Variants in INTU observed in about 807,000 individuals in gnomAD.
INTU encodes the protein inturned planar cell polarity protein.
A neutral mutation model predicts 100.5 loss-of-function variants in INTU; 68 were observed. The ratio of observed to expected loss-of-function variants is 0.68; its 90% CI spans 0.56 to 0.83. INTU has a LOEUF of 0.83. Ranked by LOEUF, INTU falls within the 40% of genes least tolerant of loss-of-function variation. The probability of loss-of-function intolerance (pLI) is 0.00; values close to 1 mark genes in which losing one functional copy is unlikely to be tolerated. For synonymous variants in INTU, 357 were observed against 395.7 expected, an observed-to-expected ratio of 0.90 and a Z score of 1.16; for missense variants, 1,071 against 1,114.7, an observed-to-expected ratio of 0.96 and a Z score of 0.56.
At chr4:127,695,411 G>C (rs1462669641) in intron 8 of INTU, among the ~76,000 whole-genome samples, 5 of 152,072 alleles carry the variant, frequency 3.3e-5, no homozygotes, top group Non-Finnish European at 7.4e-5. Context: ...TTCAAAACCA[G>C]CCTGGCCAAC....
intron 8 of INTU, among the ~76,000 whole-genome samples, chr4:127,695,322 A>C (rs946993624): frequency 7.9e-5 from 12 of 152,152 alleles, no homozygotes; most frequent in Non-Finnish European, 2.9e-5. Flanking sequence ...ATTGACTTCT[A>C]TGCTTGGGTG....
intron 6 of INTU, among the ~76,000 whole-genome samples, chr4:127,676,779 G>C (rs555876196): frequency 8.1e-4 from 123 of 152,312 alleles, no homozygotes; most frequent in Non-Finnish European, 1.4e-3. Flanking sequence ...CCATGCCTGA[G>C]CCGAAGCAGG....
At chr4:127,656,112 G>A (rs982481255) in intron 2 of INTU, among the ~76,000 whole-genome samples, 1 of 152,054 alleles carries the variant, frequency 6.6e-6, no homozygotes, top group Non-Finnish European at 1.5e-5. Flanking sequence ...ACTGACCTAC[G>A]CCCACTGTCT....
Position 127,643,925 on chromosome 4 carries a change from T to C in INTU, c.551T>C (p.Val184Ala), listed in dbSNP as rs1455270287. ...AAAGAGCAGCTCAAGCTTCTGGAAGTGCTGGTTGGAATTATTCATCAGACC... is the reference window on the plus strand; with the variant it reads ...AAAGAGCAGCTCAAGCTTCTGGAAGCGCTGGTTGGAATTATTCATCAGACC... ...KAKEQLKLLE[V>A]LVGIIHQTKW... The change falls in exon 2 of 16, where the codon GTG becomes GCG. Residue 184 changes from valine (V) to alanine (A), a missense_variant. Coordinates refer to ENST00000335251, the MANE Select transcript of INTU (RefSeq NM_015693.4). 6.2e-7 allele frequency: 1 copy of C among 1,614,008 alleles called. No homozygotes were observed. Among genetic ancestry groups the C allele is most frequent in the African/African-American group, 1.3e-5 (1 of 74,900 alleles).
intron 5 of INTU, among the ~76,000 whole-genome samples, chr4:127,673,595 GTTTTCTT>G (rs1318648370): frequency 6.7e-6 from 1 of 149,766 alleles, no homozygotes; most frequent in African/African-American, 2.5e-5. Context: ...TTGGCCTAGA[GTTTTCTT>G]TTTTCTTTTT....
At chr4:127,652,725 G>A (rs1578544561) in intron 2 of INTU, among the ~76,000 whole-genome samples, 1 of 129,620 alleles carries the variant, frequency 7.7e-6, no homozygotes, top group Admixed American at 8.4e-5. Flanking sequence ...TCAGAATGAT[G>A]CTGGCCTCAT....
chr4:127,633,326 C>G, intron 1 of INTU, 146 bp downstream of exon 1: 1 of 776,568 alleles, frequency 1.3e-6, no homozygotes, highest in Non-Finnish European at 2.0e-6. Flanking sequence ...GCACCACGTT[C>G]CATTGTATGG....
chr4:127,721,600 A>G lies in INTU; in HGVS notation c.*5164A>G, dbSNP rs559716078. ...TTCCATTCTTCTGTCTCTTTCAGGTATATCTACCAGTCGTAGGTTCAGTCT... is the reference window on the plus strand; with the variant it reads ...TTCCATTCTTCTGTCTCTTTCAGGTGTATCTACCAGTCGTAGGTTCAGTCT... On this transcript the variant is annotated 3_prime_UTR_variant, in exon 16 of 16. Coordinates refer to ENST00000335251, the MANE Select transcript of INTU (RefSeq NM_015693.4). 6.6e-6 allele frequency: 1 copy of G among 152,168 alleles called. No homozygotes were observed. The highest frequency in any genetic ancestry group is 1.5e-5 in the Non-Finnish European group (1 of 68,034). The allele number at this position is 152,168 out of a possible 1,614,324, so 9.4% of individuals were successfully genotyped here. A position where few individuals can be genotyped will look rare whatever the true frequency, so the allele number is the denominator to read the frequency against.
intron 8 of INTU, among the ~76,000 whole-genome samples, chr4:127,692,044 G>A (rs564604922): frequency 2.7e-5 from 4 of 148,398 alleles, no homozygotes; most frequent in East Asian, 2.0e-4. Flanking sequence ...TTGTAATTGC[G>A]AATTGTGCTG....
intron 12 of INTU, among the ~76,000 whole-genome samples, chr4:127,707,290 C>T (rs1354111771): frequency 7.4e-6 from 1 of 134,290 alleles, no homozygotes; most frequent in African/African-American, 2.8e-5. Flanking sequence ...GGCTGAGGCA[C>T]AAGAATTGCT....
At chr4:127,694,369 A>G (rs1730289578) in intron 8 of INTU, among the ~76,000 whole-genome samples, 1 of 152,090 alleles carries the variant, frequency 6.6e-6, no homozygotes, top group African/African-American at 2.4e-5. Context: ...AGGTGTCTAT[A>G]GTAGCCTTCA....
intron 3 of INTU, among the ~76,000 whole-genome samples, chr4:127,658,392 G>A (rs1423459550): frequency 6.6e-6 from 1 of 152,196 alleles, no homozygotes; most frequent in East Asian, 1.9e-4. Flanking sequence ...TGGTGCTAGA[G>A]TAGGTTGTAC....
chr4:127,655,818 C>T (rs1311357426), intron 2 of INTU, among the ~76,000 whole-genome samples: 2 of 152,224 alleles, frequency 1.3e-5, no homozygotes, highest in African/African-American at 4.8e-5. Context: ...GCCCCTCCCC[C>T]AGCCTCGCTG....
At chr4:127,709,396 T>C (rs1057081263) in intron 13 of INTU, among the ~76,000 whole-genome samples, 1 of 152,178 alleles carries the variant, frequency 6.6e-6, no homozygotes, top group Non-Finnish European at 1.5e-5. Context: ...TATCTCACTC[T>C]CAGAGTTTGG....
At chr4:127,638,927 C>T (rs1241167607) in intron 1 of INTU, among the ~76,000 whole-genome samples, 1 of 152,042 alleles carries the variant, frequency 6.6e-6, no homozygotes, top group Non-Finnish European at 1.5e-5. Context: ...TGAAATATGA[C>T]CCATGTACTA....
chr4:127,682,330 A>G (rs1729608976), intron 6 of INTU, among the ~76,000 whole-genome samples: 1 of 152,074 alleles, frequency 6.6e-6, no homozygotes, highest in African/African-American at 2.4e-5. Context: ...CACTATTCAC[A>G]ATAGCAAAGA....
chr4:127,645,015 A>G (rs1169296979), intron 2 of INTU, among the ~76,000 whole-genome samples: 4 of 152,218 alleles, frequency 2.6e-5, no homozygotes, highest in Non-Finnish European at 1.5e-5. Flanking sequence ...GACGGGTTAC[A>G]GATAGGCAGG....
intron 1 of INTU, among the ~76,000 whole-genome samples, chr4:127,636,510 G>A (rs985400671): frequency 1.3e-5 from 2 of 151,568 alleles, no homozygotes; most frequent in Non-Finnish European, 2.9e-5. Flanking sequence ...TACTCGGGAG[G>A]CTGAGCCAAG....
intron 3 of INTU, among the ~76,000 whole-genome samples, chr4:127,659,609 A>G (rs1160412820): frequency 6.6e-6 from 1 of 152,212 alleles, no homozygotes; most frequent in Non-Finnish European, 1.5e-5. Context: ...CTGTGCTCTC[A>G]TTCATTTAAC....
Sources: allele counts gnomAD v4.1 joint callset (sites outside exome capture counted in the v4.1 genomes callset), GRCh38; gene constraint gnomAD v4.1.1; transcripts MANE v1.5; gene names NCBI Gene and HGNC (gene_info 2026-07-23, HGNC 2026-07-21).